Variants in CACNG3 observed in about 807,000 individuals in gnomAD.
CACNG3 encodes the protein voltage-dependent calcium channel gamma-3 subunit.
Under a neutral mutation model 28.5 loss-of-function variants are expected in CACNG3, and 3 were observed. The ratio of observed to expected loss-of-function variants is 0.11; its 90% CI spans 0.05 to 0.27. The LOEUF is 0.27. Among genes scored for constraint, CACNG3 ranks in the 10% least tolerant of loss-of-function variants. The pLI is 1.00. For missense variants in CACNG3, 236 were observed against 414.4 expected (o/e 0.57, Z 3.74); for synonymous variants, 174 against 162.2 (o/e 1.07, Z -0.55).
intron 1 of CACNG3, among the ~76,000 whole-genome samples, chr16:24,275,042 C>T (rs1339407019): frequency 6.6e-6 from 1 of 152,018 alleles, no homozygotes; most frequent in East Asian, 1.9e-4. Flanking sequence ...AAGGGATTGG[C>T]AAGGTTGAAA....
intron 1 of CACNG3, among the ~76,000 whole-genome samples, chr16:24,296,752 G>A (rs1318722100): frequency 6.6e-6 from 1 of 152,182 alleles, no homozygotes; most frequent in African/African-American, 2.4e-5. Context: ...GGAGAAGAGA[G>A]GGGCTGCTTG....
intron 1 of CACNG3, among the ~76,000 whole-genome samples, chr16:24,315,638 T>TTC (rs981556249): frequency 1.9e-4 from 28 of 149,992 alleles, no homozygotes; most frequent in South Asian, 4.3e-4. Flanking sequence ...CTCTCTTCCT[T>TTC]TCTCTCTCTC....
chr16:24,341,398 T>A (rs1401108185), intron 1 of CACNG3, among the ~76,000 whole-genome samples: 2 of 152,154 alleles, frequency 1.3e-5, no homozygotes, highest in South Asian at 2.1e-4. Context: ...CGCCAATGTG[T>A]CTCTTGTGAT....
chr16:24,331,628 G>A (rs1899632221), intron 1 of CACNG3, among the ~76,000 whole-genome samples: 1 of 152,146 alleles, frequency 6.6e-6, no homozygotes, highest in South Asian at 2.1e-4. Context: ...CCAAAGCCTG[G>A]ACCATACATG....
chr16:24,327,422 A>ATGTGTG (rs376287990), intron 1 of CACNG3, among the ~76,000 whole-genome samples: 22,332 of 101,308 alleles, frequency 0.22, 2,884 homozygotes, highest in Admixed American at 0.32. Flanking sequence ...GAATATATAT[A>ATGTGTG]TGTGTGTGTG....
In CACNG3 at chr16:24,280,597, C is replaced by G. The variant is rs573097720; in HGVS notation, c.211+23632C>G. Among the ~76,000 whole-genome samples, 6 of 152,098 alleles carry G rather than the reference C, an allele frequency of 3.9e-5. No homozygotes were observed. In the East Asian group the frequency reaches 9.7e-4, roughly 25 times the overall value. ...TTGGGAGGCTGAGGTGGGTGGATCA[C>G]TTGAGGTCAGGAGTTCGAGACCAGC... On this transcript the variant is annotated intron_variant, in intron 1 of 3. Transcript: ENST00000005284.
intron 2 of CACNG3, among the ~76,000 whole-genome samples, chr16:24,352,524 G>T (rs866951006): frequency 1.0e-3 from 89 of 85,216 alleles, no homozygotes; most frequent in Middle Eastern, 0.012. Context: ...GGTTTTTTTT[G>T]TTGTTGTTGT....
Position 24,349,976 on chromosome 16 carries a change from G to A in CACNG3, c.295+3159G>A, listed in dbSNP as rs996018097. 2.0e-5 allele frequency among the ~76,000 whole-genome samples: 3 copies of A among 152,188 alleles called. No individual in the cohort carries two copies. The East Asian group carries it at 5.8e-4, about 29-fold the overall frequency. On this transcript the variant is annotated intron_variant, in intron 2 of 3. Coordinates refer to ENST00000005284, the MANE Select transcript of CACNG3 (RefSeq NM_006539.4). ...GTCCTATTCAGACTCCAATGGTGGG[G>A]CTACACTTGAACAAGCTTATGTCCC... is the stretch of plus-strand genomic sequence containing the variant.
At position 24,317,625 on chromosome 16, in the gene CACNG3, AGACAGAC is replaced by A. The variant is rs1226003777; in HGVS notation, c.212-29108_212-29102del. Among the ~76,000 whole-genome samples, 205 of 48,546 alleles carry A rather than the reference AGACAGAC, an allele frequency of 4.2e-3. 9 individuals carry two copies. Among genetic ancestry groups the A allele is most frequent in the African/African-American group, 0.011 (120 of 11,252 alleles). The allele number at this position is 48,546 out of a possible 152,430, so 31.8% of individuals were successfully genotyped here. A position where few individuals can be genotyped will look rare whatever the true frequency, so the allele number is the denominator to read the frequency against. Reference sequence around the variant, plus strand: ...AAGAAAGAAAGAAAGAAAGAAAGAAAGACAGACAGAAAGAAAGAAAAGAAAAGAAAGA... The same window carrying A: ...AAGAAAGAAAGAAAGAAAGAAAGAAAAGAAAGAAAGAAAAGAAAAGAAAGA... On this transcript the variant is annotated intron_variant, in intron 1 of 3. Coordinates refer to ENST00000005284, the MANE Select transcript of CACNG3 (RefSeq NM_006539.4).
At chr16:24,317,716 A>G (rs566788430) in intron 1 of CACNG3, among the ~76,000 whole-genome samples, 15 of 142,696 alleles carry the variant, frequency 1.1e-4, no homozygotes, top group African/African-American at 3.5e-4. Context: ...AAGAAAGAAA[A>G]GAAAGAAAAG....
At chr16:24,323,745 C>A (rs1321972808) in intron 1 of CACNG3, among the ~76,000 whole-genome samples, 1 of 152,192 alleles carries the variant, frequency 6.6e-6, no homozygotes, top group Non-Finnish European at 1.5e-5. Context: ...ACTTACTTAG[C>A]ACTCAGAATG....
intron 1 of CACNG3, among the ~76,000 whole-genome samples, chr16:24,334,556 G>C (rs562537921): frequency 7.2e-5 from 11 of 152,340 alleles, no homozygotes; most frequent in East Asian, 3.9e-4. Context: ...TCCACTGGAG[G>C]GGGGACATCC....
At chr16:24,281,510 G>A (rs957285527) in intron 1 of CACNG3, among the ~76,000 whole-genome samples, 2 of 152,042 alleles carry the variant, frequency 1.3e-5, no homozygotes, top group African/African-American at 4.8e-5. Flanking sequence ...ATGACCAGGA[G>A]GGCTGTGTAC....
chr16:24,297,900 T>C (rs1252160271), intron 1 of CACNG3, among the ~76,000 whole-genome samples: 1 of 152,080 alleles, frequency 6.6e-6, no homozygotes, highest in African/African-American at 2.4e-5. Flanking sequence ...GACTGGATCA[T>C]ACCCCAAAGT....
chr16:24,267,878 C>T (rs1738800805), intron 1 of CACNG3, among the ~76,000 whole-genome samples: 1 of 152,076 alleles, frequency 6.6e-6, no homozygotes, highest in African/African-American at 2.4e-5. Flanking sequence ...TCCATGTTGA[C>T]CAGGCTGGTC....
chr16:24,336,642 A>G lies in CACNG3; in HGVS notation c.212-10092A>G, dbSNP rs1596647679. ...TGTGACTCATACCTATAATCCTAGTATAGGTATGATCCTGGGAAGAAAGAG... is the reference window on the plus strand; with the variant it reads ...TGTGACTCATACCTATAATCCTAGTGTAGGTATGATCCTGGGAAGAAAGAG... On this transcript the variant is annotated intron_variant, in intron 1 of 3. Coordinates refer to ENST00000005284, the MANE Select transcript of CACNG3 (RefSeq NM_006539.4). Among the ~76,000 whole-genome samples the G allele has an allele frequency of 2.0e-5, 3 of 150,944 alleles. 1 individual carries two copies. Among genetic ancestry groups the G allele is most frequent in the East Asian group, 3.9e-4 (2 of 5,094 alleles).
At chr16:24,273,070 C>T (rs1055065005) in intron 1 of CACNG3, among the ~76,000 whole-genome samples, 2 of 152,144 alleles carry the variant, frequency 1.3e-5, no homozygotes, top group Admixed American at 1.3e-4. Flanking sequence ...TCATTTAGCT[C>T]CCACTTATCA....
At chr16:24,269,682 G>T (rs1458367676) in intron 1 of CACNG3, among the ~76,000 whole-genome samples, 1 of 145,314 alleles carries the variant, frequency 6.9e-6, no homozygotes, top group African/African-American at 2.6e-5. Flanking sequence ...GGGAGGTGGA[G>T]GTTTCAGGGA....
At chr16:24,301,063 T>A (rs553069687) in intron 1 of CACNG3, among the ~76,000 whole-genome samples, 4 of 144,510 alleles carry the variant, frequency 2.8e-5, no homozygotes, top group African/African-American at 1.1e-4. Flanking sequence ...AAAAAAAAAT[T>A]AGTCTGGCGT....
Sources: allele counts gnomAD v4.1 joint callset (sites outside exome capture counted in the v4.1 genomes callset), GRCh38; gene constraint gnomAD v4.1.1; transcripts MANE v1.5; gene names NCBI Gene and HGNC (gene_info 2026-07-23, HGNC 2026-07-21).